Variants in HK2 observed in about 807,000 individuals in gnomAD.
HK2 encodes hexokinase 2.
A neutral mutation model predicts 92.9 loss-of-function variants in HK2; 42 were observed. The ratio of observed to expected loss-of-function variants is 0.45; its 90% CI spans 0.35 to 0.58. The LOEUF (loss-of-function observed/expected upper bound fraction) is 0.58. Ranked by LOEUF, HK2 falls within the 20% of genes least tolerant of loss-of-function variation. HK2 has a pLI of 0.00. For missense variants in HK2, 978 were observed against 1,245.1 expected (o/e 0.79, Z 3.23); for synonymous variants, 422 against 468.0 (o/e 0.90, Z 1.27).
chr2:74,893,010 AG>A lies in HK2; in HGVS notation c.*2071del, dbSNP rs1689718073. ...AACTTAAATTTTAAGCTTGAAGATTAGGTACTATCTGTGAAGTTACACTTTT... is the reference window on the plus strand; with the variant it reads ...AACTTAAATTTTAAGCTTGAAGATTAGTACTATCTGTGAAGTTACACTTTT... On this transcript the variant is annotated 3_prime_UTR_variant, in exon 18 of 18. Transcript: ENST00000290573. The A allele has an allele frequency of 6.6e-6, 1 of 151,120 alleles. No individual in the cohort carries two copies. The highest frequency in any genetic ancestry group is 1.5e-5 in the Non-Finnish European group (1 of 67,938). The allele number at this position is 151,120 out of a possible 1,614,324, so 9.4% of individuals were successfully genotyped here.
intron 2 of HK2, among the ~76,000 whole-genome samples, chr2:74,862,075 A>G (rs750161056): frequency 1.3e-5 from 2 of 152,242 alleles, no homozygotes; most frequent in African/African-American, 4.8e-5. Context: ...AATTGTAGAC[A>G]TCGTTAGTGC....
intron 2 of HK2, among the ~76,000 whole-genome samples, chr2:74,856,619 G>A (rs1688702625): frequency 6.6e-6 from 1 of 152,158 alleles, no homozygotes. Context: ...ATGGGCTAAG[G>A]ACTCTTTTGG....
At chr2:74,877,064 C>A in intron 7 of HK2, 102 bp from the exon 8 acceptor site, 1 of 1,474,396 alleles carries the variant, frequency 6.8e-7, no homozygotes, top group South Asian at 1.1e-5. Context: ...CACATTAACC[C>A]TTAGTTGTGA....
Position 74,880,654 on chromosome 2 carries a change from A to G in HK2, c.1570+85A>G. On this transcript the variant is annotated intron_variant, in intron 10 of 17. Transcript: ENST00000290573. Reference sequence around the variant, plus strand: ...CTGGGAGGGATCCCTTAGCATTAGCATTGGACATTTGAACCAGAACACGTT... The same window carrying G: ...CTGGGAGGGATCCCTTAGCATTAGCGTTGGACATTTGAACCAGAACACGTT... 3.7e-6 allele frequency: 5 copies of G among 1,352,774 alleles called. No individual in the cohort carries two copies. The South Asian group carries it at 6.1e-5, about 17-fold the overall frequency. 83.8% of individuals were successfully genotyped at this position (1,352,774 alleles called of 1,614,324 possible).
chr2:74,857,068 A>G (rs2103896588), intron 2 of HK2, among the ~76,000 whole-genome samples: 1 of 152,360 alleles, frequency 6.6e-6, no homozygotes, highest in East Asian at 1.9e-4. Flanking sequence ...TTTGCAGCAC[A>G]TACTGGAATG....
At chr2:74,850,176 G>C (rs536772020) in intron 1 of HK2, among the ~76,000 whole-genome samples, 27 of 152,342 alleles carry the variant, frequency 1.8e-4, no homozygotes, top group African/African-American at 6.3e-4. Flanking sequence ...AGAGGGGAAG[G>C]TGTTTGAGCC....
chr2:74,860,173 G>A (rs1056558614), intron 2 of HK2, among the ~76,000 whole-genome samples: 2 of 143,926 alleles, frequency 1.4e-5, no homozygotes, highest in African/African-American at 5.2e-5. Context: ...AAGGGTGAGG[G>A]TAGGAGGGTG....
intron 1 of HK2, among the ~76,000 whole-genome samples, chr2:74,844,405 GC>G (rs1338586989): frequency 6.6e-6 from 1 of 152,212 alleles, no homozygotes; most frequent in Non-Finnish European, 1.5e-5. Flanking sequence ...CTAGGGGGAT[GC>G]CCTAATTGTC....
At chr2:74,877,066 T>C in intron 7 of HK2, 100 bp from the exon 8 acceptor site, 2 of 1,477,186 alleles carry the variant, frequency 1.4e-6, no homozygotes, top group Middle Eastern at 2.4e-4. Context: ...CATTAACCCT[T>C]AGTTGTGAAG....
At chr2:74,839,146 G>GT (rs962638144) in intron 1 of HK2, among the ~76,000 whole-genome samples, 2 of 152,124 alleles carry the variant, frequency 1.3e-5, no homozygotes, top group Admixed American at 6.6e-5. Context: ...GAATTTTAAT[G>GT]TTTTTTTAAG....
intron 12 of HK2, among the ~76,000 whole-genome samples, chr2:74,883,028 G>C (rs532341632): frequency 4.5e-4 from 69 of 152,264 alleles, no homozygotes; most frequent in African/African-American, 1.6e-3. Flanking sequence ...AGATGTTCTG[G>C]ACATGAGTGC....
At chr2:74,841,404 C>T (rs1018156149) in intron 1 of HK2, among the ~76,000 whole-genome samples, 1 of 151,946 alleles carries the variant, frequency 6.6e-6, no homozygotes, top group Non-Finnish European at 1.5e-5. Context: ...CAAAAAATTA[C>T]CTGGCCCAAA....
intron 8 of HK2, among the ~76,000 whole-genome samples, chr2:74,878,465 G>C (rs913965276): frequency 2.0e-5 from 3 of 152,000 alleles, no homozygotes; most frequent in African/African-American, 7.3e-5. Context: ...GTGCGTGTGT[G>C]TGTGGTGTCT....
chr2:74,851,525 T>G (rs1573361439), intron 1 of HK2, among the ~76,000 whole-genome samples: 1 of 152,230 alleles, frequency 6.6e-6, no homozygotes, highest in Admixed American at 6.5e-5. Context: ...AGATTGGCTG[T>G]CGTAGAATTT....
intron 3 of HK2, 184 bp downstream of exon 3, chr2:74,867,968 C>T: frequency 2.9e-6 from 2 of 687,500 alleles, no homozygotes; most frequent in Non-Finnish European, 5.3e-6. Context: ...GTATTTTATA[C>T]CCAACATGTA....
Position 74,880,634 on chromosome 2 carries a change from A to C in HK2, c.1570+65A>C, listed in dbSNP as rs1021235259. On this transcript the variant is annotated intron_variant, in intron 10 of 17. Coordinates refer to ENST00000290573, the MANE Select transcript of HK2 (RefSeq NM_000189.5). ...TTTGTCCTGGTGTTGATACCCTGGG[A>C]GGGATCCCTTAGCATTAGCATTGGA... The C allele has an allele frequency of 2.7e-6, 4 of 1,507,210 alleles. No homozygotes were observed. In the African/African-American group the frequency reaches 5.5e-5, roughly 21 times the overall value. 93.4% of individuals were successfully genotyped at this position (1,507,210 alleles called of 1,614,324 possible).
chr2:74,836,608 C>T (rs1402518819), intron 1 of HK2, among the ~76,000 whole-genome samples: 1 of 152,136 alleles, frequency 6.6e-6, no homozygotes, highest in Non-Finnish European at 1.5e-5. Flanking sequence ...CCCTGAAGAC[C>T]CTTGGGTGTA....
At position 74,874,342 on chromosome 2, in the gene HK2, T is replaced by C. The variant is rs761974570; in HGVS notation, c.768T>C (p.Cys256=). 61 of 1,614,024 alleles carry C rather than the reference T, an allele frequency of 3.8e-5. No individual in the cohort carries two copies. The highest frequency in any genetic ancestry group is 2.1e-4 in the South Asian group (19 of 91,090). ...DMVEGDEGRM[C]INMEWGAFGD... ...TGGAAGGCGATGAGGGGCGGATGTG[T>C]ATCAATATGGAGTGGGGGGCCTTCG... Residue 256 remains cysteine, a synonymous_variant, in exon 7 of 18, where the codon TGT becomes TGC. Transcript: ENST00000290573.
chr2:74,873,081 C>T (rs995096223), intron 4 of HK2, among the ~76,000 whole-genome samples, 195 bp from the exon 5 acceptor site: 18 of 152,230 alleles, frequency 1.2e-4, no homozygotes, highest in South Asian at 2.1e-4. Flanking sequence ...CATTGTTATG[C>T]GGCACATGAC....
Sources: allele counts gnomAD v4.1 joint callset (sites outside exome capture counted in the v4.1 genomes callset), GRCh38; gene constraint gnomAD v4.1.1; transcripts MANE v1.5; gene names NCBI Gene and HGNC (gene_info 2026-07-23, HGNC 2026-07-21).